Variants in RAB3GAP1 observed in about 807,000 individuals in gnomAD.
RAB3GAP1 encodes RAB3 GTPase activating protein catalytic subunit 1.
In RAB3GAP1, 86 loss-of-function variants were observed where a neutral mutation model predicts 130.7. The observed-to-expected ratio is 0.66, with a 90% CI of 0.55 to 0.79. The LOEUF (loss-of-function observed/expected upper bound fraction) is 0.79, where lower values mean the gene tolerates loss of function less well. RAB3GAP1 is among the 30% of genes least tolerant of loss of function. The pLI, the probability that RAB3GAP1 is intolerant of heterozygous loss-of-function variation, is 0.00. For synonymous variants in RAB3GAP1, 367 were observed against 401.7 expected, an observed-to-expected ratio of 0.91 and a Z score of 1.03; for missense variants, 1,029 against 1,169.4, an observed-to-expected ratio of 0.88 and a Z score of 1.75.
At position 135,136,311 on chromosome 2, in the gene RAB3GAP1, G is replaced by A. The variant is rs541763107; in HGVS notation, c.1923+379G>A. 2.0e-3 allele frequency among the ~76,000 whole-genome samples: 299 copies of A among 152,094 alleles called. 1 individual carries two copies. The highest frequency in any genetic ancestry group is 7.0e-3 in the African/African-American group (290 of 41,486). On this transcript the variant is annotated intron_variant, in intron 17 of 23. Transcript: ENST00000264158. ...ACTGCACTCCAGCCTGGGCAACAGA[G>A]CAAGACTCTTGTCTCAAAAGAAAAA... is the stretch of plus-strand genomic sequence containing the variant.
intron 3 of RAB3GAP1, among the ~76,000 whole-genome samples, chr2:135,088,654 A>C (rs565742252): frequency 6.9e-6 from 1 of 144,474 alleles, no homozygotes; most frequent in African/African-American, 2.7e-5. Context: ...GCACCACTGC[A>C]CTCCAGCCTG....
At chr2:135,121,752 T>C (rs1691208163) in intron 8 of RAB3GAP1, among the ~76,000 whole-genome samples, 1 of 152,242 alleles carries the variant, frequency 6.6e-6, no homozygotes, top group Non-Finnish European at 1.5e-5. Context: ...AATAGTTGGC[T>C]ATTTATAGGA....
At chr2:135,104,529 GGAATCTC>G (rs1276656572) in intron 5 of RAB3GAP1, among the ~76,000 whole-genome samples, 9 of 151,954 alleles carry the variant, frequency 5.9e-5, no homozygotes, top group African/African-American at 2.2e-4. Context: ...GAGTTACATA[GGAATCTC>G]AATAAATAGA....
intron 2 of RAB3GAP1, among the ~76,000 whole-genome samples, chr2:135,055,209 C>G (rs1413224911): frequency 5.3e-5 from 8 of 152,030 alleles, no homozygotes. Flanking sequence ...TTATAAGAGC[C>G]TATAACAGAG....
chr2:135,103,820 A>G (rs545427517), intron 5 of RAB3GAP1, among the ~76,000 whole-genome samples: 34 of 152,336 alleles, frequency 2.2e-4, no homozygotes, highest in Non-Finnish European at 4.6e-4. Context: ...CCTTTGTTAG[A>G]CCAAGGTTGC....
chr2:135,093,748 A>G (rs1328975696), intron 5 of RAB3GAP1, 55 bp downstream of exon 5: 1 of 1,278,544 alleles, frequency 7.8e-7, no homozygotes, highest in Admixed American at 1.7e-5. Context: ...GGGGACCTCA[A>G]CACTGTCCCC....
intron 11 of RAB3GAP1, among the ~76,000 whole-genome samples, chr2:135,127,661 C>T (rs1046905511): frequency 2.6e-5 from 4 of 152,054 alleles, no homozygotes; most frequent in African/African-American, 9.7e-5. Flanking sequence ...CTGTTTTTGA[C>T]GGTGCGCTTT....
At chr2:135,063,838 A>G (rs775553171) in intron 3 of RAB3GAP1, among the ~76,000 whole-genome samples, 6 of 152,186 alleles carry the variant, frequency 3.9e-5, no homozygotes, top group Non-Finnish European at 5.9e-5. Flanking sequence ...GTTTATACCC[A>G]GAAGTGGAAT....
intron 3 of RAB3GAP1, chr2:135,089,855 A>G (rs751188234): frequency 5.0e-6 from 2 of 400,920 alleles, no homozygotes; most frequent in South Asian, 1.8e-5. Flanking sequence ...CAAATGCTGC[A>G]TGTTCTCACT....
chr2:135,096,174 C>T (rs1035200133), intron 5 of RAB3GAP1, among the ~76,000 whole-genome samples: 12 of 152,046 alleles, frequency 7.9e-5, no homozygotes, highest in Non-Finnish European at 1.6e-4. Flanking sequence ...AACAAACTAC[C>T]ACCAAAATGG....
In RAB3GAP1 at chr2:135,076,954, A is replaced by T. The variant is rs528821909; in HGVS notation, c.151-14044A>T. 2.4e-4 allele frequency among the ~76,000 whole-genome samples: 37 copies of T among 152,322 alleles called. No homozygotes were observed. The South Asian group carries it at 4.1e-3, about 17-fold the overall frequency. On this transcript the variant is annotated intron_variant, in intron 3 of 23. Coordinates refer to ENST00000264158, the MANE Select transcript of RAB3GAP1 (RefSeq NM_012233.3). ...TTTGAAGGCTGAATAATATTCCATTATATGTATATACCACATTTTAAAATC... is the reference window on the plus strand; with the variant it reads ...TTTGAAGGCTGAATAATATTCCATTTTATGTATATACCACATTTTAAAATC...
chr2:135,160,985 C>T (rs192961030), intron 19 of RAB3GAP1, among the ~76,000 whole-genome samples: 1 of 152,220 alleles, frequency 6.6e-6, no homozygotes, highest in African/African-American at 2.4e-5. Context: ...ACAGGTCATA[C>T]GTGAATCCAG....
At chr2:135,054,672 G>A (rs552479092) in intron 2 of RAB3GAP1, among the ~76,000 whole-genome samples, 2 of 152,178 alleles carry the variant, frequency 1.3e-5, no homozygotes, top group South Asian at 4.1e-4. Context: ...GGAGGGTGGG[G>A]TAGGGAAACA....
intron 3 of RAB3GAP1, among the ~76,000 whole-genome samples, chr2:135,076,131 G>A (rs1204709132): frequency 4.0e-5 from 6 of 151,780 alleles, no homozygotes; most frequent in African/African-American, 1.4e-4. Flanking sequence ...AGGATGTCTC[G>A]ATGATCTGAC....
chr2:135,067,854 C>T (rs963704841), intron 3 of RAB3GAP1, among the ~76,000 whole-genome samples: 1 of 152,186 alleles, frequency 6.6e-6, no homozygotes, highest in African/African-American at 2.4e-5. Context: ...CCTCAGCCTC[C>T]TGAGTAGCTG....
intron 22 of RAB3GAP1, among the ~76,000 whole-genome samples, chr2:135,164,331 T>C (rs912262853): frequency 2.0e-5 from 3 of 152,216 alleles, no homozygotes; most frequent in African/African-American, 4.8e-5. Flanking sequence ...AAAAATAGAC[T>C]GAATATTTTT....
chr2:135,115,158 G>C (rs780966393), intron 6 of RAB3GAP1, 58 bp from the exon 7 acceptor site: 2 of 1,494,202 alleles, frequency 1.3e-6, no homozygotes, highest in Non-Finnish European at 1.8e-6. Context: ...AAAATTTGAG[G>C]TTCAGGTTTA....
downstream of RAB3GAP1, among the ~76,000 whole-genome samples, chr2:135,174,868 G>A (rs1013542501): frequency 1.3e-5 from 2 of 152,230 alleles, no homozygotes; most frequent in Admixed American, 6.5e-5. Context: ...CTGTGGCTGT[G>A]GCTGTGGCTG....
At chr2:135,129,376 T>C (rs200451931) in intron 11 of RAB3GAP1, among the ~76,000 whole-genome samples, 14 of 149,770 alleles carry the variant, frequency 9.3e-5, no homozygotes, top group Non-Finnish European at 2.1e-4. Flanking sequence ...GGCGTGAACC[T>C]GGGAGGTGGA....
Sources: gnomAD v4.1 joint callset for allele counts (sites outside exome capture counted in the v4.1 genomes callset) on GRCh38, gnomAD v4.1.1 for gene constraint, MANE v1.5 for transcripts, NCBI Gene and HGNC (gene_info 2026-07-23, HGNC 2026-07-21) for gene names.